Variants in SNX16 observed in about 807,000 individuals in gnomAD.
SNX16 encodes sorting nexin-16.
In SNX16, 35 loss-of-function variants were observed where a neutral mutation model predicts 36.7. That is an observed-to-expected ratio of 0.95 (90% CI 0.73 to 1.27). The LOEUF (loss-of-function observed/expected upper bound fraction) is 1.27. Ranked by LOEUF, SNX16 falls within the 50% of genes most tolerant of loss-of-function variation. SNX16 has a pLI of 0.00. For synonymous variants in SNX16, 134 were observed against 132.0 expected (o/e 1.02, Z -0.10); for missense variants, 367 against 393.6 (o/e 0.93, Z 0.57).
chr8:81,806,463 CCTA>C (rs1303491506), intron 5 of SNX16, among the ~76,000 whole-genome samples: 12 of 152,126 alleles, frequency 7.9e-5, no homozygotes, highest in Non-Finnish European at 1.6e-4. Flanking sequence ...CACACACATC[CCTA>C]CAACCTCTTA....
At position 81,823,794 on chromosome 8, in the gene SNX16, G is replaced by T. The variant is rs761593717; in HGVS notation, c.609C>A (p.Asn203Lys). The change falls in exon 4 of 8, where the codon AAC (asparagine) becomes AAA (lysine). Residue 203 changes from asparagine (N) to lysine (K), a missense_variant and splice_region_variant. Asn to Lys is a moderately conservative substitution (Grantham distance 94, BLOSUM62 0). Transcript: ENST00000345957. ...TCTTATTTCAATTCGTTACATACCA[G>T]TTAGCAATGTCCTTGTGAGCTACTA... ...QNLVAHKDIA[N>K]CLAVREFLCL... is the part of the protein sequence containing the mutation. 6.3e-7 allele frequency: 1 copy of T among 1,599,822 alleles called. No individual in the cohort carries two copies. The highest frequency in any genetic ancestry group is 1.1e-5 in the South Asian group (1 of 87,500).
At chr8:81,832,777 AG>A (rs1811325868) in intron 2 of SNX16, among the ~76,000 whole-genome samples, 2 of 151,070 alleles carry the variant, frequency 1.3e-5, no homozygotes, top group Non-Finnish European at 2.9e-5. Flanking sequence ...TATTTATGAT[AG>A]AATCTCAGAG....
chr8:81,805,748 T>A (rs977469155), intron 5 of SNX16, among the ~76,000 whole-genome samples: 5 of 151,850 alleles, frequency 3.3e-5, no homozygotes, highest in African/African-American at 1.2e-4. Context: ...TGAAACCCCG[T>A]CTCTACTAAA....
chr8:81,827,455 T>G (rs1262051177), intron 3 of SNX16, among the ~76,000 whole-genome samples: 2 of 152,126 alleles, frequency 1.3e-5, no homozygotes, highest in African/African-American at 4.8e-5. Flanking sequence ...CTTTTATCTT[T>G]CGGCTTGTTT....
chr8:81,830,298 G>A (rs1415728519), intron 2 of SNX16, among the ~76,000 whole-genome samples: 1 of 151,998 alleles, frequency 6.6e-6, no homozygotes, highest in Non-Finnish European at 1.5e-5. Context: ...GGCCGGGTGT[G>A]GTGGCTCACA....
chr8:81,836,136 G>A (rs1394614258), intron 2 of SNX16, among the ~76,000 whole-genome samples: 1 of 152,146 alleles, frequency 6.6e-6, no homozygotes, highest in African/African-American at 2.4e-5. Flanking sequence ...AATCAAAGAG[G>A]TCCATAGCAT....
intron 5 of SNX16, among the ~76,000 whole-genome samples, chr8:81,811,888 C>T (rs929308913): frequency 1.3e-5 from 2 of 151,698 alleles, no homozygotes; most frequent in East Asian, 1.9e-4. Context: ...GCAACCATTA[C>T]GTACATGAAA....
intron 2 of SNX16, among the ~76,000 whole-genome samples, chr8:81,829,770 C>T (rs534177319): frequency 1.3e-5 from 2 of 152,226 alleles, no homozygotes; most frequent in East Asian, 3.9e-4. Flanking sequence ...ACAATAAACT[C>T]ATCAGCTTCC....
intron 3 of SNX16, 145 bp downstream of exon 3, chr8:81,829,285 A>G (rs1356143999): frequency 3.3e-6 from 1 of 306,666 alleles, no homozygotes; most frequent in African/African-American, 2.2e-5. Flanking sequence ...AAAAATTTTT[A>G]TTTTAAAAAT....
intron 2 of SNX16, among the ~76,000 whole-genome samples, chr8:81,834,754 T>C (rs1048239328): frequency 4.6e-5 from 7 of 152,350 alleles, no homozygotes; most frequent in South Asian, 2.1e-4. Context: ...TGGGCTCCCA[T>C]GGCCTTGGGC....
chr8:81,829,544 G>T, intron 2 of SNX16, 28 bp from the exon 3 acceptor site: 2 of 1,013,238 alleles, frequency 2.0e-6, no homozygotes, highest in South Asian at 2.3e-5. Context: ...AACAGACGGA[G>T]AGAAAAATAT....
In SNX16 at chr8:81,802,487, T is replaced by C. The variant is rs766029606; in HGVS notation, c.831A>G (p.Leu277=). Residue 277 remains leucine, a synonymous_variant, in exon 7 of 8, where the codon TTA becomes TTG. Coordinates refer to ENST00000345957, the MANE Select transcript of SNX16 (RefSeq NM_152836.3). ...ACACATCCAGTGATTCTTCAGGTTC[T>C]AAAGACAATGTTCTAAAAGTATGTT... ...TLENRIRTLS[L]EPEESLDVSE... The C allele has an allele frequency of 6.2e-7, 1 of 1,607,350 alleles. No homozygotes were observed. The highest frequency in any genetic ancestry group is 1.7e-5 in the Admixed American group (1 of 59,024).
rs754568349 is a variant in SNX16, at chr8:81,823,835, C to G, written c.568G>C (p.Ala190Pro). The G allele has an allele frequency of 6.2e-7, 1 of 1,611,478 alleles. No individual in the cohort carries two copies. Among genetic ancestry groups the G allele is most frequent in the Non-Finnish European group, 8.5e-7 (1 of 1,178,822 alleles). ...TGAGCTACTAAATTTTGAAGAAACGCTTGTAATCCTAATTGTCTGTCTTCT... is the reference window on the plus strand; with the variant it reads ...TGAGCTACTAAATTTTGAAGAAACGGTTGTAATCCTAATTGTCTGTCTTCT... Reference protein sequence around the residue: ...FLEDRQLGLQAFLQNLVAHKD... With the variant: ...FLEDRQLGLQPFLQNLVAHKD... Residue 190 changes from alanine to proline, a missense_variant, in exon 4 of 8, where the codon GCG becomes CCG. By Grantham distance (27) the Ala-to-Pro change is conservative. Transcript: ENST00000345957.
At chr8:81,824,061 T>G (rs185553929) in intron 3 of SNX16, 121 bp from the exon 4 acceptor site, 5 of 955,958 alleles carry the variant, frequency 5.2e-6, no homozygotes, top group Non-Finnish European at 7.5e-6. Context: ...AGAATTAAAT[T>G]CAGTTAAGCT....
intron 4 of SNX16, among the ~76,000 whole-genome samples, chr8:81,816,040 T>C (rs897106648): frequency 6.6e-6 from 1 of 152,152 alleles, no homozygotes; most frequent in Non-Finnish European, 1.5e-5. Context: ...ATAATAAAAA[T>C]GCCTCCCTGC....
intron 2 of SNX16, among the ~76,000 whole-genome samples, chr8:81,831,265 G>A (rs1354888869): frequency 6.6e-6 from 1 of 152,116 alleles, no homozygotes; most frequent in Non-Finnish European, 1.5e-5. Flanking sequence ...CTTGATGTGA[G>A]ACCTAATTAA....
intron 2 of SNX16, among the ~76,000 whole-genome samples, chr8:81,830,579 TAAA>T (rs752827905): frequency 3.9e-4 from 35 of 90,210 alleles, no homozygotes; most frequent in Admixed American, 6.2e-4. Context: ...GTCTAGGGGG[TAAA>T]AAAAAAAAAA....
chr8:81,812,307 G>C (rs1810295308), intron 5 of SNX16, among the ~76,000 whole-genome samples: 1 of 151,854 alleles, frequency 6.6e-6, no homozygotes, highest in Non-Finnish European at 1.5e-5. Flanking sequence ...ACATTAATCT[G>C]TCAAGTCAAC....
intron 7 of SNX16, among the ~76,000 whole-genome samples, chr8:81,802,125 T>A (rs1310822264): frequency 6.6e-6 from 1 of 151,716 alleles, no homozygotes; most frequent in African/African-American, 2.4e-5. Context: ...AGAGGCCAGT[T>A]AATGCAGACA....
Sources: allele counts gnomAD v4.1 joint callset (sites outside exome capture counted in the v4.1 genomes callset), GRCh38; gene constraint gnomAD v4.1.1; transcripts MANE v1.5; gene names NCBI Gene and HGNC (gene_info 2026-07-23, HGNC 2026-07-21).